Variants in COL22A1 observed in about 807,000 individuals in gnomAD.
The protein encoded by COL22A1 is collagen type XXII alpha 1 chain.
A neutral mutation model predicts 248.9 loss-of-function variants in COL22A1; 221 were observed. The observed-to-expected ratio is 0.89, with a 90% CI of 0.80 to 0.99. COL22A1 has a LOEUF of 0.99. Among genes scored for constraint, COL22A1 ranks in the 50% least tolerant of loss-of-function variants. The probability of loss-of-function intolerance (pLI) is 0.00; values close to 1 mark genes in which losing one functional copy is unlikely to be tolerated. For synonymous variants in COL22A1, 891 were observed against 793.4 expected (o/e 1.12, Z -2.07); for missense variants, 2,240 against 2,179.0 (o/e 1.03, Z -0.56).
chr8:138,867,371 T>C (rs1822982149), intron 3 of COL22A1, among the ~76,000 whole-genome samples: 2 of 152,348 alleles, frequency 1.3e-5, no homozygotes, highest in South Asian at 4.1e-4. Context: ...GGTGCTCAGA[T>C]ACAGTCACGT....
At chr8:138,596,511 C>T (rs1220652213) in intron 62 of COL22A1, among the ~76,000 whole-genome samples, 1 of 152,216 alleles carries the variant, frequency 6.6e-6, no homozygotes, top group East Asian at 1.9e-4. Flanking sequence ...ATTGACTTTA[C>T]TAAAATCATC....
intron 2 of COL22A1, 39 bp downstream of exon 2, chr8:138,883,043 G>T (rs1375598961): frequency 6.6e-7 from 1 of 1,517,604 alleles, no homozygotes; most frequent in Admixed American, 2.0e-5. Flanking sequence ...TGTCTGCTCT[G>T]TCCCCAGCAC....
At chr8:138,701,359 G>A (rs1827951011) in intron 31 of COL22A1, among the ~76,000 whole-genome samples, 1 of 152,018 alleles carries the variant, frequency 6.6e-6, no homozygotes, top group Non-Finnish European at 1.5e-5. Context: ...CCCAGCACGG[G>A]CCCGAAAGAA....
chr8:138,634,496 T>C (rs984640692), intron 49 of COL22A1, among the ~76,000 whole-genome samples: 4 of 152,050 alleles, frequency 2.6e-5, no homozygotes, highest in African/African-American at 7.2e-5. Context: ...GACTAATCTA[T>C]GGGCAGCCTA....
chr8:138,872,279 G>A (rs1823401090), intron 3 of COL22A1, among the ~76,000 whole-genome samples: 2 of 152,168 alleles, frequency 1.3e-5, no homozygotes, highest in Non-Finnish European at 2.9e-5. Context: ...CCACAACAGG[G>A]TGGGAGAGGG....
intron 41 of COL22A1, 104 bp downstream of exon 41, chr8:138,676,454 A>AAAGGAAGGAAGAAAGAAAGAAAGG (rs1554744069): frequency 7.2e-6 from 3 of 415,916 alleles, no homozygotes; most frequent in Admixed American, 1.0e-4. Flanking sequence ...AGAAAGAAAG[A>AAAGGAAGGAAGAAAGAAAGAAAGG]AAGGAAGAAA....
intron 41 of COL22A1, among the ~76,000 whole-genome samples, chr8:138,669,399 C>G (rs966401343): frequency 6.6e-6 from 1 of 152,160 alleles, no homozygotes; most frequent in African/African-American, 2.4e-5. Context: ...TTTCCCATGT[C>G]CGGTACCAAG....
intron 31 of COL22A1, among the ~76,000 whole-genome samples, 183 bp from the exon 32 acceptor site, chr8:138,700,327 A>C (rs945143779): frequency 2.6e-5 from 4 of 152,328 alleles, no homozygotes; most frequent in Admixed American, 6.5e-5. Context: ...TTTATTTATT[A>C]AGGCAGAAAT....
At chr8:138,667,749 C>T (rs773310507) in intron 41 of COL22A1, among the ~76,000 whole-genome samples, 2 of 152,138 alleles carry the variant, frequency 1.3e-5, no homozygotes, top group Non-Finnish European at 2.9e-5. Flanking sequence ...CGCCAGTCTG[C>T]AACCCTTGAT....
chr8:138,776,479 T>C (rs1814471756), intron 15 of COL22A1, among the ~76,000 whole-genome samples: 1 of 152,112 alleles, frequency 6.6e-6, no homozygotes, highest in South Asian at 2.1e-4. Flanking sequence ...TCACTGTCTG[T>C]CCCCATTGCT....
At chr8:138,788,476 A>G (rs1815737493) in intron 12 of COL22A1, among the ~76,000 whole-genome samples, 1 of 152,232 alleles carries the variant, frequency 6.6e-6, no homozygotes, top group Non-Finnish European at 1.5e-5. Context: ...CCTAGCAGAT[A>G]GCAAGTTCTT....
intron 61 of COL22A1, 58 bp from the exon 62 acceptor site, chr8:138,597,028 A>G (rs1817600341): frequency 8.2e-6 from 12 of 1,465,166 alleles, no homozygotes; most frequent in Non-Finnish European, 1.1e-5. Context: ...CCACCTAAGA[A>G]CCCTGAGGAC....
intron 59 of COL22A1, 70 bp downstream of exon 59, chr8:138,604,664 C>T: frequency 5.1e-6 from 7 of 1,362,092 alleles, no homozygotes; most frequent in Non-Finnish European, 7.3e-6. Flanking sequence ...AAGCCCAGGG[C>T]CTGAGCCTGC....
At chr8:138,595,964 C>G (rs1817506394) in intron 62 of COL22A1, among the ~76,000 whole-genome samples, 1 of 152,176 alleles carries the variant, frequency 6.6e-6, no homozygotes, top group African/African-American at 2.4e-5. Flanking sequence ...GAACACAGAA[C>G]CTTCAGTGAG....
chr8:138,805,952 T>TG (rs1817569044), intron 10 of COL22A1, among the ~76,000 whole-genome samples: 1 of 130,936 alleles, frequency 7.6e-6, no homozygotes, highest in Admixed American at 7.7e-5. Flanking sequence ...GATGGTATAT[T>TG]ATGGTGTGTA....
chr8:138,909,265 C>A (rs1335251999), intron 1 of COL22A1, among the ~76,000 whole-genome samples: 1 of 152,200 alleles, frequency 6.6e-6, no homozygotes, highest in Non-Finnish European at 1.5e-5. Context: ...CACAATGTTA[C>A]AGAGCAGACC....
At chr8:138,705,839 A>G (rs1828383329) in intron 30 of COL22A1, among the ~76,000 whole-genome samples, 1 of 152,222 alleles carries the variant, frequency 6.6e-6, no homozygotes, top group African/African-American at 2.4e-5. Context: ...AGACTGGCAA[A>G]TTGGATAAAG....
intron 3 of COL22A1, among the ~76,000 whole-genome samples, chr8:138,864,478 T>A (rs1374477077): frequency 6.6e-6 from 1 of 152,070 alleles, no homozygotes; most frequent in Non-Finnish European, 1.5e-5. Flanking sequence ...TGATTTTGCG[T>A]GTGACTTTAA....
chr8:138,676,449 GAAAGAAAGGAAGA>G (rs1825542869), intron 41 of COL22A1, 96 bp downstream of exon 41: 4 of 563,620 alleles, frequency 7.1e-6, no homozygotes, highest in African/African-American at 3.9e-5. Context: ...AAGAAAGAAA[GAAAGAAAGGAAGA>G]AAGAAAGAAA....
Sources: allele counts gnomAD v4.1 joint callset (sites outside exome capture counted in the v4.1 genomes callset), GRCh38; gene constraint gnomAD v4.1.1; transcripts MANE v1.5; gene names NCBI Gene and HGNC (gene_info 2026-07-23, HGNC 2026-07-21).